TRPV5: variants seen among roughly 807,000 people sequenced by gnomAD.
TRPV5 encodes calcium transport protein 2.
TRPV5 carries 66 observed loss-of-function variants against 74.1 expected under a neutral mutation model. That is an observed-to-expected ratio of 0.89 (90% CI 0.73 to 1.09). The LOEUF is 1.09. TRPV5 is among the 50% of genes least tolerant of loss of function. TRPV5 has a pLI of 0.00. For missense variants in TRPV5, 936 were observed against 930.4 expected (o/e 1.01, Z -0.08); for synonymous variants, 399 against 360.7 (o/e 1.11, Z -1.20).
intron 6 of TRPV5, 78 bp from the exon 7 acceptor site, chr7:142,928,312 C>T (rs1796023239): frequency 2.0e-6 from 3 of 1,501,850 alleles, no homozygotes; most frequent in Non-Finnish European, 2.8e-6. Context: ...TGGATGGAGC[C>T]AGTTGCCCAC....
chr7:142,918,419 C>T (rs1795831460), intron 8 of TRPV5, among the ~76,000 whole-genome samples: 1 of 152,230 alleles, frequency 6.6e-6, no homozygotes, highest in Admixed American at 6.5e-5. Flanking sequence ...AGGGCAAACC[C>T]ATGCCATCTA....
intron 8 of TRPV5, among the ~76,000 whole-genome samples, chr7:142,916,025 T>C (rs1795789563): frequency 6.6e-6 from 1 of 152,190 alleles, no homozygotes; most frequent in African/African-American, 2.4e-5. Context: ...CCCTCACGGA[T>C]CCGGAATCTA....
chr7:142,924,771 A>G (rs1381019359), intron 8 of TRPV5: 1 of 152,186 alleles, frequency 6.6e-6, no homozygotes, highest in Non-Finnish European at 1.5e-5. Flanking sequence ...GTAATCCACA[A>G]AGAGTCAACC....
intron 4 of TRPV5, 67 bp from the exon 5 acceptor site, chr7:142,929,187 C>A (rs1796042593): frequency 6.4e-7 from 1 of 1,567,822 alleles, no homozygotes; most frequent in Non-Finnish European, 8.7e-7. Context: ...CAGTCTCCCC[C>A]AAATAAGGGC....
rs1314438556 is a variant in TRPV5 at position 142,933,644 on chromosome 7, T to A, written c.-185A>T. On this transcript the variant is annotated 5_prime_UTR_variant, in exon 1 of 15. Coordinates refer to ENST00000265310, the MANE Select transcript of TRPV5 (RefSeq NM_019841.7). ...GTGTGTGCATGCAGTATGTGGGTTG[T>A]GGGGTGTGCGTGTATGCACAGTGTG... 5.3e-6 allele frequency: 4 copies of A among 748,014 alleles called. No homozygotes were observed. The Admixed American group carries it at 1.1e-4, about 21-fold the overall frequency. The allele number at this position is 748,014 out of a possible 1,614,324, so 46.3% of individuals were successfully genotyped here.
chr7:142,930,590 G>A (rs1474164502), intron 1 of TRPV5, 144 bp from the exon 2 acceptor site: 11 of 683,776 alleles, frequency 1.6e-5, no homozygotes, highest in African/African-American at 7.1e-5. Context: ...TACTGGACTC[G>A]AATGACCGAG....
Position 142,925,654 on chromosome 7 carries a change from C to A in TRPV5, c.997G>T (p.Ala333Ser), listed in dbSNP as rs1426630300. The change falls in exon 8 of 15, where the codon GCT becomes TCT. Residue 333 changes from alanine to serine, a missense_variant. By Grantham distance (99) the Ala-to-Ser change is moderately conservative. Transcript: ENST00000265310. Reference protein sequence around the residue: ...KYGRPYFCILAALYLLYMICF... With the variant: ...KYGRPYFCILSALYLLYMICF... Reference sequence around the variant, plus strand: ...ATCATGTAGAGCAGGTACAAGGCAGCCAGGATGCAGAAGTACGGCCGGCCA... The same window carrying A: ...ATCATGTAGAGCAGGTACAAGGCAGACAGGATGCAGAAGTACGGCCGGCCA... The A allele has an allele frequency of 1.2e-6, 2 of 1,614,024 alleles. No homozygotes were observed. The highest frequency in any genetic ancestry group is 1.3e-5 in the African/African-American group (1 of 74,892).
chr7:142,925,915 C>T (rs149084679), intron 7 of TRPV5, among the ~76,000 whole-genome samples, 174 bp from the exon 8 acceptor site: 4 of 152,158 alleles, frequency 2.6e-5, no homozygotes, highest in Non-Finnish European at 5.9e-5. Context: ...GCTAGTGATA[C>T]AGGTAAATGA....
chr7:142,914,773 T>C, intron 11 of TRPV5, 67 bp from the exon 12 acceptor site: 1 of 1,608,690 alleles, frequency 6.2e-7, no homozygotes, highest in Non-Finnish European at 8.5e-7. Flanking sequence ...CAGCTAACGC[T>C]AACAGATCAA....
chr7:142,929,022 C>A lies in TRPV5; in HGVS notation c.586G>T (p.Gly196Ter). The A allele has an allele frequency of 6.2e-7, 1 of 1,613,962 alleles. No homozygotes were observed. Among genetic ancestry groups the A allele is most frequent in the Non-Finnish European group, 8.5e-7 (1 of 1,180,000 alleles). ...GADIRAQDSL[G>*]NTVLHILILQ... is the part of the protein sequence containing the mutation. ...CTCCCCTCCCCATCCCAGCTCTTACCCAGGGAGTCCTGGGCCCTGATGTCA... is the reference window on the plus strand; with the variant it reads ...CTCCCCTCCCCATCCCAGCTCTTACACAGGGAGTCCTGGGCCCTGATGTCA... Residue 196 changes from glycine (G) to a stop codon, truncating the protein, a stop_gained and splice_region_variant, in exon 5 of 15, where the codon GGA becomes TGA. Transcript: ENST00000265310. LOFTEE classifies it high-confidence loss of function.
In TRPV5 at chr7:142,909,544, G is replaced by A; in HGVS notation, c.1841C>T (p.Pro614Leu). 1 of 1,614,108 alleles carries A rather than the reference G, an allele frequency of 6.2e-7. No homozygotes were observed. Among genetic ancestry groups the A allele is most frequent in the Non-Finnish European group, 8.5e-7 (1 of 1,180,038 alleles). ...LERKLPRCLWPRSGICGCEFG... is the reference protein window; with the variant it reads ...LERKLPRCLWLRSGICGCEFG... ...TTCGCACCCACAGATCCCGGAGCGA[G>A]GCCACAGGCAGCGAGGCAGCTTCCG... The change falls in exon 14 of 15, where the codon CCT becomes CTT. Residue 614 changes from proline (P) to leucine (L), a missense_variant. Physicochemically the swap from Pro to Leu is moderately conservative, Grantham distance 98. Transcript: ENST00000265310.
chr7:142,915,336 C>T lies in TRPV5; in HGVS notation c.1257G>A (p.Thr419=), dbSNP rs781346948. The T allele has an allele frequency of 3.0e-5, 49 of 1,607,966 alleles. No individual in the cohort carries two copies. Among genetic ancestry groups the T allele is most frequent in the African/African-American group, 4.0e-5 (3 of 74,346 alleles). ...TGACATGGAATGGCCCCCCAAGAAT[C>T]GTCTTTCCAAAATAGCGAGAGGCAC... The part of the protein sequence containing the change: ...RVGASRYFGK[T]ILGGPFHVII... The change falls in exon 10 of 15, where the codon ACG becomes ACA. Residue 419 remains threonine, a synonymous_variant. Transcript: ENST00000265310.
At chr7:142,909,100 C>T (rs1373562772) in intron 14 of TRPV5, among the ~76,000 whole-genome samples, 1 of 151,918 alleles carries the variant, frequency 6.6e-6, no homozygotes, top group Non-Finnish European at 1.5e-5. Context: ...GAAAACAGAG[C>T]CAACTAATAG....
intron 8 of TRPV5, among the ~76,000 whole-genome samples, chr7:142,924,391 T>TACATATATATATATATATATAC (rs1795949488): frequency 8.9e-6 from 1 of 112,318 alleles, no homozygotes; most frequent in African/African-American, 4.7e-5. Context: ...TATATATATA[T>TACATATATATATATATATATAC]ACATATACAT....
chr7:142,908,850 G>A (rs1382920736), intron 14 of TRPV5, 42 bp from the exon 15 acceptor site: 1 of 1,581,246 alleles, frequency 6.3e-7, no homozygotes, highest in African/African-American at 1.3e-5. Flanking sequence ...CAGGTGGGGA[G>A]ACATGGGCAG....
intron 8 of TRPV5, 94 bp from the exon 9 acceptor site, chr7:142,915,662 A>G: frequency 1.6e-6 from 2 of 1,248,368 alleles, no homozygotes; most frequent in Admixed American, 2.1e-5. Context: ...CATCCAAAAT[A>G]AAGGAAACTC....
At position 142,929,543 on chromosome 7, in the gene TRPV5, A is replaced by C; in HGVS notation, c.372T>G (p.Ala124=). The part of the protein sequence containing the change: ...AFAGQTALHI[A]VVNQNVNLVR... Reference sequence around the variant, plus strand: ...CCAGGTTCACATTCTGGTTCACAACAGCGATGTGCAGTGCAGTCTGACCTG... The same window carrying C: ...CCAGGTTCACATTCTGGTTCACAACCGCGATGTGCAGTGCAGTCTGACCTG... The change falls in exon 4 of 15, where the codon GCT becomes GCG. Residue 124 remains alanine (A), a synonymous_variant. Coordinates refer to ENST00000265310, the MANE Select transcript of TRPV5 (RefSeq NM_019841.7). 1.2e-6 allele frequency: 2 copies of C among 1,614,102 alleles called. No homozygotes were observed. The highest frequency in any genetic ancestry group is 2.2e-5 in the South Asian group (2 of 91,076).
intron 8 of TRPV5, among the ~76,000 whole-genome samples, chr7:142,921,272 C>A (rs1356510957): frequency 6.6e-6 from 1 of 152,178 alleles, no homozygotes; most frequent in Non-Finnish European, 1.5e-5. Flanking sequence ...CTAGGCCAAT[C>A]CACCATTTTT....
In TRPV5 at chr7:142,914,628, A is replaced by G. The variant is rs1271343782; in HGVS notation, c.1519+12T>C. ...ATCTGCTGATCTAGTAGAGGAGTGTATGGTGCCTTACCGGAGGCAAATCCC... is the reference window on the plus strand; with the variant it reads ...ATCTGCTGATCTAGTAGAGGAGTGTGTGGTGCCTTACCGGAGGCAAATCCC... On this transcript the variant is annotated intron_variant, in intron 12 of 14. Transcript: ENST00000265310. 6.2e-7 allele frequency: 1 copy of G among 1,611,832 alleles called. No individual in the cohort carries two copies. Among genetic ancestry groups the G allele is most frequent in the South Asian group, 1.1e-5 (1 of 90,682 alleles).
Sources: gnomAD v4.1 joint callset for allele counts (sites outside exome capture counted in the v4.1 genomes callset) on GRCh38, gnomAD v4.1.1 for gene constraint, MANE v1.5 for transcripts, NCBI Gene and HGNC (gene_info 2026-07-23, HGNC 2026-07-21) for gene names.